The following PLD5 variants were observed in gnomAD, a reference collection of about 807,000 sequenced individuals.
PLD5 encodes the protein inactive phospholipase D5.
A neutral mutation model predicts 61.1 loss-of-function variants in PLD5; 36 were observed. That is an observed-to-expected ratio of 0.59 (90% CI 0.45 to 0.78). The LOEUF is 0.78. PLD5 is among the 30% of genes least tolerant of loss of function. The pLI, the probability that PLD5 is intolerant of heterozygous loss-of-function variation, is 0.00. For missense variants in PLD5, 515 were observed against 644.4 expected (o/e 0.80, Z 2.17); for synonymous variants, 243 against 242.8 (o/e 1.00, Z -0.01).
At chr1:242,386,310 G>C (rs1227316342) in intron 1 of PLD5, among the ~76,000 whole-genome samples, 1 of 152,112 alleles carries the variant, frequency 6.6e-6, no homozygotes, top group Non-Finnish European at 1.5e-5. Context: ...GAGGTGACTT[G>C]CTCATATCAA....
At chr1:242,191,011 T>C (rs763940509) in intron 5 of PLD5, among the ~76,000 whole-genome samples, 1 of 152,100 alleles carries the variant, frequency 6.6e-6, no homozygotes, top group African/African-American at 2.4e-5. Flanking sequence ...CACGTTGGTA[T>C]AGAATGTACC....
chr1:242,453,332 T>A (rs1351611112), intron 1 of PLD5, among the ~76,000 whole-genome samples: 1 of 152,212 alleles, frequency 6.6e-6, no homozygotes, highest in African/African-American at 2.4e-5. Context: ...GAAATAAGTT[T>A]CTTTGTTTGT....
chr1:242,281,624 T>G (rs558580018), intron 3 of PLD5, among the ~76,000 whole-genome samples: 2 of 152,336 alleles, frequency 1.3e-5, no homozygotes, highest in Non-Finnish European at 2.9e-5. Flanking sequence ...CAGATAACTT[T>G]GCTAGATAGT....
chr1:242,357,626 C>T lies in PLD5; in HGVS notation c.190-9384G>A, dbSNP rs1660829718. Reference sequence around the variant, plus strand: ...TCAGCCTCCCGAGTAGCTGGGATTACAGGTGCCCGCCACCACACCTGGCTA... The same window carrying T: ...TCAGCCTCCCGAGTAGCTGGGATTATAGGTGCCCGCCACCACACCTGGCTA... On this transcript the variant is annotated intron_variant, in intron 1 of 9. Transcript: ENST00000536534. 2.0e-5 allele frequency among the ~76,000 whole-genome samples: 3 copies of T among 151,844 alleles called. No homozygotes were observed. In the South Asian group the frequency reaches 6.2e-4, roughly 32 times the overall value.
chr1:242,310,092 G>A (rs569628743), intron 2 of PLD5, among the ~76,000 whole-genome samples: 1 of 152,174 alleles, frequency 6.6e-6, no homozygotes, highest in South Asian at 2.1e-4. Flanking sequence ...CTCACCAGGG[G>A]CTCCATACCA....
rs1402517407 is a variant in PLD5, at chr1:242,393,587, CAT to C, written c.190-45347_190-45346del. 1.6e-4 allele frequency among the ~76,000 whole-genome samples: 9 copies of C among 55,476 alleles called. 3 individuals are homozygous for C. The highest frequency in any genetic ancestry group is 8.2e-4 in the African/African-American group (9 of 10,934). The allele number at this position is 55,476 out of a possible 152,430, so 36.4% of individuals were successfully genotyped here. A position where few individuals can be genotyped will look rare whatever the true frequency, so the allele number is the denominator to read the frequency against. On this transcript the variant is annotated intron_variant, in intron 1 of 9. Coordinates refer to ENST00000536534, the MANE Select transcript of PLD5 (RefSeq NM_001372062.1). Reference sequence around the variant, plus strand: ...ATATATGTGTATATATATGAGTATACATATGTGTATATATATGAGCATATATG... The same window carrying C: ...ATATATGTGTATATATATGAGTATACATGTGTATATATATGAGCATATATG...
intron 2 of PLD5, among the ~76,000 whole-genome samples, chr1:242,297,465 G>A (rs1296508348): frequency 2.0e-5 from 3 of 146,556 alleles, no homozygotes; most frequent in Non-Finnish European, 1.5e-5. Context: ...AGAGAACAGA[G>A]TGATCAGTGG....
intron 5 of PLD5, among the ~76,000 whole-genome samples, chr1:242,154,570 T>C (rs1196011514): frequency 1.3e-5 from 2 of 152,226 alleles, no homozygotes; most frequent in Non-Finnish European, 1.5e-5. Context: ...TTGAATTTTG[T>C]CAAAGGCTTT....
chr1:242,301,942 T>C (rs1676075381), intron 2 of PLD5, among the ~76,000 whole-genome samples: 1 of 151,968 alleles, frequency 6.6e-6, no homozygotes, highest in African/African-American at 2.4e-5. Context: ...CACACCCGGC[T>C]AATTATTTTT....
chr1:242,199,408 C>T (rs563493115), intron 5 of PLD5, among the ~76,000 whole-genome samples: 8 of 152,192 alleles, frequency 5.3e-5, no homozygotes, highest in African/African-American at 1.9e-4. Flanking sequence ...GCGCCCGCCA[C>T]CACGCCCAGC....
At chr1:242,294,736 C>T (rs945736643) in intron 2 of PLD5, among the ~76,000 whole-genome samples, 20 of 152,162 alleles carry the variant, frequency 1.3e-4, no homozygotes, top group Non-Finnish European at 2.5e-4. Context: ...GTGCTCATTG[C>T]CTGCTTCCTA....
intron 2 of PLD5, among the ~76,000 whole-genome samples, chr1:242,328,393 T>C (rs543528752): frequency 9.2e-5 from 14 of 152,336 alleles, no homozygotes; most frequent in East Asian, 1.9e-4. Context: ...ACACGTGTTC[T>C]ACATAGTTGT....
In PLD5 at chr1:242,089,768, A is replaced by G; in HGVS notation, c.*86T>C. ...AAGTGTGCTTTTTCCCTAAAAAAAG[A>G]GACATATTAAAGTGTTTTTTCTCTC... is the stretch of plus-strand genomic sequence containing the variant. On this transcript the variant is annotated 3_prime_UTR_variant, in exon 10 of 10. Transcript: ENST00000536534. The G allele has an allele frequency of 6.6e-7, 1 of 1,514,928 alleles. No individual in the cohort carries two copies. Among genetic ancestry groups the G allele is most frequent in the Non-Finnish European group, 9.0e-7 (1 of 1,109,598 alleles). 93.8% of individuals were successfully genotyped at this position (1,514,928 alleles called of 1,614,324 possible). A position where few individuals can be genotyped will look rare whatever the true frequency, so the allele number is the denominator to read the frequency against.
At chr1:242,398,529 T>C (rs1248990251) in intron 1 of PLD5, among the ~76,000 whole-genome samples, 2 of 152,182 alleles carry the variant, frequency 1.3e-5, no homozygotes, top group African/African-American at 2.4e-5. Flanking sequence ...TCCACAATTC[T>C]CTTTACACAA....
At chr1:242,371,715 C>G (rs563520738) in intron 1 of PLD5, among the ~76,000 whole-genome samples, 15 of 152,110 alleles carry the variant, frequency 9.9e-5, no homozygotes, top group Non-Finnish European at 1.8e-4. Context: ...AATGATCCCT[C>G]TTCTCTGATT....
chr1:242,096,395 G>A (rs986763252), intron 9 of PLD5, among the ~76,000 whole-genome samples: 3 of 152,006 alleles, frequency 2.0e-5, no homozygotes, highest in Non-Finnish European at 4.4e-5. Flanking sequence ...AGGCTGGAGT[G>A]CAATGGCGCA....
At chr1:242,240,880 C>CTAT (rs1553334139) in intron 4 of PLD5, among the ~76,000 whole-genome samples, 1 of 152,062 alleles carries the variant, frequency 6.6e-6, no homozygotes, top group Non-Finnish European at 1.5e-5. Context: ...CTCATGGACT[C>CTAT]TATAAAGTTC....
chr1:242,315,802 G>C (rs1229117414), intron 2 of PLD5, among the ~76,000 whole-genome samples: 1 of 152,132 alleles, frequency 6.6e-6, no homozygotes, highest in Non-Finnish European at 1.5e-5. Context: ...ATTCTGGTTG[G>C]GTTATGATGG....
At chr1:242,190,367 C>T (rs555064967) in intron 5 of PLD5, among the ~76,000 whole-genome samples, 2 of 151,544 alleles carry the variant, frequency 1.3e-5, no homozygotes, top group Non-Finnish European at 2.9e-5. Flanking sequence ...AGGATGGTCT[C>T]GATCTCCTGA....
Sources: allele counts gnomAD v4.1 joint callset (sites outside exome capture counted in the v4.1 genomes callset), GRCh38; gene constraint gnomAD v4.1.1; transcripts MANE v1.5; gene names NCBI Gene and HGNC (gene_info 2026-07-23, HGNC 2026-07-21).